PSTPIP2: variants seen among roughly 807,000 people sequenced by gnomAD.
PSTPIP2 encodes proline-serine-threonine phosphatase-interacting protein 2.
A neutral mutation model predicts 63.3 loss-of-function variants in PSTPIP2; 33 were observed. The observed-to-expected ratio is 0.52, with a 90% CI of 0.40 to 0.70. PSTPIP2 has a LOEUF of 0.70. Among genes scored for constraint, PSTPIP2 ranks in the 30% least tolerant of loss-of-function variants. PSTPIP2 has a pLI of 0.00. For missense variants in PSTPIP2, 312 were observed against 400.7 expected (o/e 0.78, Z 1.89); for synonymous variants, 125 against 132.7 (o/e 0.94, Z 0.40).
chr18:45,991,980 G>T lies in PSTPIP2; in HGVS notation c.842C>A (p.Pro281His). 6.2e-7 allele frequency: 1 copy of T among 1,611,766 alleles called. No individual in the cohort carries two copies. Among genetic ancestry groups the T allele is most frequent in the Non-Finnish European group, 8.5e-7 (1 of 1,178,104 alleles). The change falls in exon 12 of 15, where the codon CCC becomes CAC. Residue 281 changes from proline to histidine, a missense_variant. Pro to His is a moderately conservative substitution (Grantham distance 77). Transcript: ENST00000409746. ...QRKTGQIPPAPIMYENFYSSQ... is the reference protein window; with the variant it reads ...QRKTGQIPPAHIMYENFYSSQ... ...GGAGTAGAAATTCTCATACATGATG[G>T]GTGCTAGGAGAGTCACCAAGAAACA... is the stretch of plus-strand genomic sequence containing the variant.
intron 3 of PSTPIP2, among the ~76,000 whole-genome samples, chr18:46,020,539 G>C (rs888052674): frequency 6.6e-6 from 1 of 152,140 alleles, no homozygotes; most frequent in East Asian, 1.9e-4. Context: ...TATAATCTCA[G>C]CTACTCAGGA....
At chr18:46,061,326 A>T (rs1039156649) in intron 1 of PSTPIP2, among the ~76,000 whole-genome samples, 1 of 151,700 alleles carries the variant, frequency 6.6e-6, no homozygotes, top group Non-Finnish European at 1.5e-5. Flanking sequence ...AAAAAAAATC[A>T]TATATGAAGT....
chr18:46,050,515 C>T (rs764475541), intron 1 of PSTPIP2, among the ~76,000 whole-genome samples: 6 of 151,868 alleles, frequency 4.0e-5, no homozygotes, highest in East Asian at 3.9e-4. Flanking sequence ...ATTGCACAAC[C>T]GCACTCCAGC....
intron 14 of PSTPIP2, among the ~76,000 whole-genome samples, chr18:45,986,026 C>G (rs1041470363): frequency 3.3e-5 from 5 of 152,198 alleles, no homozygotes; most frequent in African/African-American, 4.8e-5. Context: ...ATCCGCCCGC[C>G]TTGGCCTCCC....
At chr18:46,045,185 C>T (rs564276301) in intron 1 of PSTPIP2, among the ~76,000 whole-genome samples, 1 of 152,278 alleles carries the variant, frequency 6.6e-6, no homozygotes, top group Admixed American at 6.5e-5. Flanking sequence ...CTATATAAAT[C>T]ATGCTGCTAT....
At chr18:46,016,221 C>G (rs1009916543) in intron 3 of PSTPIP2, 10 of 362,424 alleles carry the variant, frequency 2.8e-5, no homozygotes, top group Non-Finnish European at 4.1e-5. Flanking sequence ...TGATCCTTTT[C>G]TCATAAGAAT....
intron 1 of PSTPIP2, among the ~76,000 whole-genome samples, chr18:46,061,479 A>C (rs756700076): frequency 2.0e-5 from 3 of 152,172 alleles, no homozygotes; most frequent in Non-Finnish European, 4.4e-5. Flanking sequence ...CCCAGGGAAA[A>C]GCAATACCAG....
At chr18:46,004,527 A>G (rs2051704028) in intron 6 of PSTPIP2, among the ~76,000 whole-genome samples, 1 of 152,240 alleles carries the variant, frequency 6.6e-6, no homozygotes, top group Admixed American at 6.5e-5. Context: ...TCACTCAATA[A>G]AATAGGTAAG....
chr18:46,005,791 GAGC>G (rs1338967493), intron 5 of PSTPIP2, among the ~76,000 whole-genome samples: 6 of 152,320 alleles, frequency 3.9e-5, no homozygotes, highest in African/African-American at 1.4e-4. Context: ...GATCACCTTA[GAGC>G]AGTCTCTTCA....
intron 14 of PSTPIP2, 27 bp from the exon 15 acceptor site, chr18:45,985,477 C>T (rs1238189570): frequency 2.5e-6 from 4 of 1,611,232 alleles, no homozygotes; most frequent in South Asian, 1.1e-5. Context: ...AAGAAATTTC[C>T]TCTGAATGAA....
In PSTPIP2 at chr18:46,057,364, G is replaced by A. The variant is rs115283045; in HGVS notation, c.33+14792C>T. On this transcript the variant is annotated intron_variant, in intron 1 of 14. Transcript: ENST00000409746. ...TTTTTTGAGGCAGAGTTTCACTGTC[G>A]TCACCCAGGCTGGAGTACAATGGCG... 7.1e-3 allele frequency among the ~76,000 whole-genome samples: 1,070 copies of A among 150,296 alleles called. 7 individuals are homozygous for A. The highest frequency in any genetic ancestry group is 0.024 in the African/African-American group (990 of 40,840).
chr18:46,031,668 A>C (rs1907790336), intron 2 of PSTPIP2, among the ~76,000 whole-genome samples: 1 of 152,228 alleles, frequency 6.6e-6, no homozygotes, highest in Admixed American at 6.5e-5. Context: ...TTAAAAATAT[A>C]TAATATACAG....
intron 1 of PSTPIP2, among the ~76,000 whole-genome samples, chr18:46,059,029 TTTTTTTCTTTTTC>T (rs1331651566): frequency 7.5e-4 from 94 of 125,782 alleles, no homozygotes; most frequent in Admixed American, 3.8e-3. Context: ...TTTTTTTTTC[TTTTTTTCTTTTTC>T]TTTTTTTTTT....
At chr18:46,021,175 T>C (rs1406536533) in intron 3 of PSTPIP2, among the ~76,000 whole-genome samples, 3 of 152,288 alleles carry the variant, frequency 2.0e-5, no homozygotes, top group Non-Finnish European at 4.4e-5. Context: ...ATGTTTTACA[T>C]ATTCAAAAAA....
At chr18:46,065,330 C>T (rs149036278) in intron 1 of PSTPIP2, among the ~76,000 whole-genome samples, 3,317 of 149,930 alleles carry the variant, frequency 0.022, 116 homozygotes, top group African/African-American at 0.077. Flanking sequence ...CTGGCTCTGT[C>T]GCCCAGGCTG....
chr18:46,043,947 T>C (rs1908285882), intron 1 of PSTPIP2, among the ~76,000 whole-genome samples: 3 of 152,184 alleles, frequency 2.0e-5, no homozygotes, highest in Non-Finnish European at 4.4e-5. Flanking sequence ...GCAAGATTTC[T>C]TCACTGAAAA....
rs1278029521 is a variant in PSTPIP2, at chr18:46,029,023, A to G, written c.135-4337T>C. ...GATTGTGATGGTCGCTGGATTAGAT[A>G]ACCTATATCACTATTTCAGGTTGAT... On this transcript the variant is annotated intron_variant, in intron 2 of 14. Transcript: ENST00000409746. 1.7e-5 allele frequency: 14 copies of G among 814,218 alleles called. No individual in the cohort carries two copies. The East Asian group carries it at 3.4e-4, about 20-fold the overall frequency. 50.4% of individuals were successfully genotyped at this position (814,218 alleles called of 1,614,324 possible).
At chr18:46,025,145 T>C (rs1953841118) in intron 2 of PSTPIP2, among the ~76,000 whole-genome samples, 1 of 151,992 alleles carries the variant, frequency 6.6e-6, no homozygotes, top group South Asian at 2.1e-4. Flanking sequence ...CATTGCAGGG[T>C]CGGTCTCAGC....
At chr18:46,024,361 C>T (rs1395286676) in intron 3 of PSTPIP2, among the ~76,000 whole-genome samples, 2 of 152,088 alleles carry the variant, frequency 1.3e-5, no homozygotes, top group Non-Finnish European at 1.5e-5. Flanking sequence ...TGGTCTTGAA[C>T]TCCTGGGCCC....
Sources: allele counts gnomAD v4.1 joint callset (sites outside exome capture counted in the v4.1 genomes callset), GRCh38; gene constraint gnomAD v4.1.1; transcripts MANE v1.5; gene names NCBI Gene and HGNC (gene_info 2026-07-23, HGNC 2026-07-21).